SGTA: variants seen among roughly 807,000 people sequenced by gnomAD.
SGTA encodes the protein small glutamine rich tetratricopeptide repeat co-chaperone alpha, also known as small glutamine-rich tetratricopeptide repeat-containing protein alpha.
Under a neutral mutation model 44.3 loss-of-function variants are expected in SGTA, and 22 were observed. The observed-to-expected ratio is 0.50, with a 90% CI of 0.36 to 0.71. SGTA has a LOEUF of 0.71. Ranked by LOEUF, SGTA falls within the 30% of genes least tolerant of loss-of-function variation. The probability of loss-of-function intolerance (pLI) is 0.00; values close to 1 mark genes in which losing one functional copy is unlikely to be tolerated. For missense variants in SGTA, 341 were observed against 435.9 expected, an observed-to-expected ratio of 0.78 and a Z score of 1.94; for synonymous variants, 174 against 177.6, an observed-to-expected ratio of 0.98 and a Z score of 0.16.
chr19:2,756,001 G>T, intron 11 of SGTA, 68 bp from the exon 12 acceptor site: 1 of 910,520 alleles, frequency 1.1e-6, no homozygotes, highest in Non-Finnish European at 1.3e-6. Context: ...ACACACTCCA[G>T]GCAGCAGGAG....
rs1915051935 is a variant in SGTA at position 2,763,249 on chromosome 19, G to C, written c.497+404C>G. 6.6e-6 allele frequency among the ~76,000 whole-genome samples: 1 copy of C among 152,210 alleles called. No homozygotes were observed. The highest frequency in any genetic ancestry group is 2.4e-5 in the African/African-American group (1 of 41,450). On this transcript the variant is annotated intron_variant, in intron 6 of 11. Transcript: ENST00000221566. This position sits in a 1 kb window ranked among gnomAD's most constrained non-coding sequence, Gnocchi z 5.8. ...CGCTTATGCTGGGAGGGCGGCACCG[G>C]CTGCACGGGGCGCAGGCTCCTGCCC...
Position 2,759,323 on chromosome 19 carries a change from G to A in SGTA, c.700-29C>T, listed in dbSNP as rs1314019739. ...AAGAACAGAACAAATTTGTCAGGAA[G>A]ACAAAGCTCCCAGCGCATCATTCTC... On this transcript the variant is annotated intron_variant, in intron 8 of 11. Transcript: ENST00000221566. 3 of 1,608,464 alleles carry A rather than the reference G, an allele frequency of 1.9e-6. No homozygotes were observed. The Admixed American group carries it at 5.0e-5, about 27-fold the overall frequency.
Position 2,767,306 on chromosome 19 carries a change from G to T in SGTA, c.208-86C>A. 9.2e-7 allele frequency: 1 copy of T among 1,092,134 alleles called. No individual in the cohort carries two copies. Among genetic ancestry groups the T allele is most frequent in the Non-Finnish European group, 1.3e-6 (1 of 748,482 alleles). The allele number at this position is 1,092,134 out of a possible 1,614,324, so 67.7% of individuals were successfully genotyped here. A position where few individuals can be genotyped will look rare whatever the true frequency, so the allele number is the denominator to read the frequency against. On this transcript the variant is annotated intron_variant, in intron 3 of 11. Coordinates refer to ENST00000221566, the MANE Select transcript of SGTA (RefSeq NM_003021.4). This position sits in a 1 kb window ranked among gnomAD's most constrained non-coding sequence, Gnocchi z 7.3. ...TTAGCTTCCCTCGGGACGCCAGAGA[G>T]GGCCACCAAGTTCCGAAGGACCCGG...
At position 2,771,262 on chromosome 19, in the gene SGTA, T is replaced by C. The variant is rs933919554; in HGVS notation, c.-23-2171A>G. On this transcript the variant is annotated intron_variant, in intron 1 of 11. Coordinates refer to ENST00000221566, the MANE Select transcript of SGTA (RefSeq NM_003021.4). The stretch of plus-strand genomic sequence containing the variant: ...AAACACGGTGAAACCCCATCTCTAC[T>C]AAAAATACAAAAATTAGCTGGCATG... Among the ~76,000 whole-genome samples the C allele has an allele frequency of 2.0e-5, 3 of 152,084 alleles. No individual in the cohort carries two copies. The East Asian group carries it at 5.8e-4, about 29-fold the overall frequency.
chr19:2,758,342 A>C (rs1914887479), intron 9 of SGTA, among the ~76,000 whole-genome samples: 1 of 152,182 alleles, frequency 6.6e-6, no homozygotes, highest in South Asian at 2.1e-4. Flanking sequence ...CAGCCTGGCC[A>C]ACATGGTGAA....
chr19:2,769,008 G>T lies in SGTA; in HGVS notation c.61C>A (p.His21Asn). The T allele has an allele frequency of 6.2e-7, 1 of 1,613,950 alleles. No individual in the cohort carries two copies. ...TGAGCATCGGACGAGAGGCCCCCGTGCCGGAGCTGGTCATGCAGGAACTGG... is the reference window on the plus strand; with the variant it reads ...TGAGCATCGGACGAGAGGCCCCCGTTCCGGAGCTGGTCATGCAGGAACTGG... ...IIQFLHDQLRHGGLSSDAQES... is the reference protein window; with the variant it reads ...IIQFLHDQLRNGGLSSDAQES... Residue 21 changes from histidine (H) to asparagine (N), a missense_variant, in exon 2 of 12, where the codon CAC becomes AAC. His to Asn is a moderately conservative substitution (Grantham distance 68). Coordinates refer to ENST00000221566, the MANE Select transcript of SGTA (RefSeq NM_003021.4).
intron 1 of SGTA, among the ~76,000 whole-genome samples, chr19:2,769,880 C>T (rs1197424034): frequency 3.7e-5 from 5 of 136,566 alleles, no homozygotes; most frequent in Non-Finnish European, 6.3e-5. Flanking sequence ...GTTCCCCCAC[C>T]GGACACCCTC....
At chr19:2,772,056 G>GAGGAA (rs1915323982) in intron 1 of SGTA, among the ~76,000 whole-genome samples, 2 of 152,268 alleles carry the variant, frequency 1.3e-5, no homozygotes, top group South Asian at 4.1e-4. Context: ...CCTTCCTCCG[G>GAGGAA]GGCCGGGCCC....
chr19:2,755,998 C>T lies in SGTA; in HGVS notation c.*7-65G>A. 11 of 924,748 alleles carry T rather than the reference C, an allele frequency of 1.2e-5. No homozygotes were observed. Among genetic ancestry groups the T allele is most frequent in the Non-Finnish European group, 1.4e-5 (11 of 774,868 alleles). 57.3% of individuals were successfully genotyped at this position (924,748 alleles called of 1,614,324 possible). A position where few individuals can be genotyped will look rare whatever the true frequency, so the allele number is the denominator to read the frequency against. On this transcript the variant is annotated intron_variant, in intron 11 of 11. Coordinates refer to ENST00000221566, the MANE Select transcript of SGTA (RefSeq NM_003021.4). This position sits in a 1 kb window ranked among gnomAD's most constrained non-coding sequence, Gnocchi z 5.2. ...GGGGACCAAGGCTGCACCACACACT[C>T]CAGGCAGCAGGAGAGGCCCAGAGTG... is the stretch of plus-strand genomic sequence containing the variant.
chr19:2,777,037 C>T (rs1228229153), intron 1 of SGTA, among the ~76,000 whole-genome samples: 2 of 151,310 alleles, frequency 1.3e-5, no homozygotes, highest in Non-Finnish European at 2.9e-5. Flanking sequence ...CCGAGGCAGG[C>T]GGATCACCTG....
chr19:2,774,076 A>C (rs1479059224), intron 1 of SGTA, among the ~76,000 whole-genome samples: 1 of 152,214 alleles, frequency 6.6e-6, no homozygotes, highest in Non-Finnish European at 1.5e-5. Context: ...AACCTTGATC[A>C]TGGACTTCCG....
intron 1 of SGTA, 27 bp from the exon 2 acceptor site, chr19:2,769,118 A>G: frequency 6.8e-7 from 1 of 1,472,344 alleles, no homozygotes; most frequent in South Asian, 1.1e-5. Context: ...AACCCCCATC[A>G]GGCCCCCTCA....
chr19:2,762,489 GC>G lies in SGTA; in HGVS notation c.636+16del. 6.2e-7 allele frequency: 1 copy of G among 1,612,886 alleles called. No individual in the cohort carries two copies. The highest frequency in any genetic ancestry group is 8.5e-7 in the Non-Finnish European group (1 of 1,179,532). The stretch of plus-strand genomic sequence containing the variant: ...TCAGCTCGGCGTTCTGGAGCCACTC[GC>G]CCCCGCTGCACTCACGGGGCTGGGG... On this transcript the variant is annotated intron_variant, in intron 7 of 11. Coordinates refer to ENST00000221566, the MANE Select transcript of SGTA (RefSeq NM_003021.4).
At position 2,761,499 on chromosome 19, in the gene SGTA, G is replaced by C; in HGVS notation, c.660C>G (p.Asp220Glu). The C allele has an allele frequency of 6.4e-7, 1 of 1,551,560 alleles. No homozygotes were observed. Among genetic ancestry groups the C allele is most frequent in the East Asian group, 2.4e-5 (1 of 40,926 alleles). ...CAGGGTTGTTCAGCAGGCCGGCGAT[G>C]TCGAAGCTGCCCACGCCTCCCGTCT... ...PSPTGGVGSF[D>E]IAGLLNNPGF... The change falls in exon 8 of 12, where the codon GAC becomes GAG. Residue 220 changes from aspartate to glutamate, a missense_variant. Coordinates refer to ENST00000221566, the MANE Select transcript of SGTA (RefSeq NM_003021.4). This position sits in a 1 kb window ranked among gnomAD's most constrained non-coding sequence, Gnocchi z 5.7.
At chr19:2,768,509 G>A (rs111783375) in intron 2 of SGTA, among the ~76,000 whole-genome samples, 73 of 152,294 alleles carry the variant, frequency 4.8e-4, no homozygotes, top group African/African-American at 1.6e-3. Context: ...TCCAGGTGTC[G>A]CAGAAGCGCA....
rs1202340380 is a variant in SGTA, at chr19:2,767,197, G to A, written c.231C>T (p.Ser77=). 3.1e-6 allele frequency: 5 copies of A among 1,611,638 alleles called. No homozygotes were observed. The highest frequency in any genetic ancestry group is 4.2e-6 in the Non-Finnish European group (5 of 1,179,238). ...CCTCGGAAGGCGGGGTTCGCGCGGG[G>A]CTCCTCAGGTCCTGCGGCATCTCCT... ...TGKEMPQDLR[S]PARTPPSEED... Residue 77 remains serine, a synonymous_variant, in exon 4 of 12, where the codon AGC becomes AGT. Transcript: ENST00000221566. This position sits in a 1 kb window ranked among gnomAD's most constrained non-coding sequence, Gnocchi z 7.3.
intron 1 of SGTA, among the ~76,000 whole-genome samples, chr19:2,776,358 G>A (rs913957541): frequency 1.3e-5 from 2 of 152,254 alleles, no homozygotes; most frequent in South Asian, 2.1e-4. Flanking sequence ...ACGACGGAAC[G>A]CTACGCAGCC....
chr19:2,778,424 C>T (rs1915492895), intron 1 of SGTA, among the ~76,000 whole-genome samples: 1 of 152,132 alleles, frequency 6.6e-6, no homozygotes, highest in South Asian at 2.1e-4. Flanking sequence ...GAGTCACACT[C>T]CTCTCTTCCA....
chr19:2,767,944 C>G lies in SGTA; in HGVS notation c.101-258G>C, dbSNP rs1315211006. ...GGCAGAGTGGAGCCCAGGTGGTGAC[C>G]TCAGGCCTCTGTGGGGTCCCAATGC... On this transcript the variant is annotated intron_variant, in intron 2 of 11. Coordinates refer to ENST00000221566, the MANE Select transcript of SGTA (RefSeq NM_003021.4). This position sits in a 1 kb window ranked among gnomAD's most constrained non-coding sequence, Gnocchi z 7.3. 6.6e-6 allele frequency among the ~76,000 whole-genome samples: 1 copy of G among 152,198 alleles called. No individual in the cohort carries two copies. Among genetic ancestry groups the G allele is most frequent in the African/African-American group, 2.4e-5 (1 of 41,452 alleles).
Sources: gnomAD v4.1 joint callset for allele counts (sites outside exome capture counted in the v4.1 genomes callset) on GRCh38, gnomAD v4.1.1 for gene constraint, Gnocchi (gnomAD v3.1) non-coding constraint, MANE v1.5 for transcripts, NCBI Gene and HGNC (gene_info 2026-07-23, HGNC 2026-07-21) for gene names.